COL4A1: variants seen among roughly 807,000 people sequenced by gnomAD.
The protein encoded by COL4A1 is collagen type IV alpha 1 chain.
COL4A1 carries 40 observed loss-of-function variants against 216.6 expected under a neutral mutation model. That is an observed-to-expected ratio of 0.18 (90% CI 0.14 to 0.24). COL4A1 has a LOEUF of 0.24. Ranked by LOEUF, COL4A1 falls within the 10% of genes least tolerant of loss-of-function variation. The pLI is 1.00. For missense variants in COL4A1, 1,628 were observed against 2,196.8 expected (o/e 0.74, Z 5.18); for synonymous variants, 839 against 810.7 (o/e 1.03, Z -0.59).
intron 2 of COL4A1, among the ~76,000 whole-genome samples, chr13:110,222,490 C>CCTAAATATTCATTGTAGTAATATATT (rs1555308292): frequency 6.6e-6 from 1 of 151,302 alleles, no homozygotes; most frequent in Admixed American, 6.6e-5. Context: ...AAGGCTTTTT[C>CCTAAATATTCATTGTAGTAATATATT]AGGCCGGGCG....
In COL4A1 at chr13:110,211,708, T is replaced by C; in HGVS notation, c.442-35A>G. 2 of 1,599,286 alleles carry C rather than the reference T, an allele frequency of 1.3e-6. No homozygotes were observed. The highest frequency in any genetic ancestry group is 1.7e-6 in the Non-Finnish European group (2 of 1,170,344). ...AAAGTTTTGGTGTTAGTTTTGTTTT[T>C]CTCAAAATATCATTAGCATTAAAAT... is the stretch of plus-strand genomic sequence containing the variant. On this transcript the variant is annotated intron_variant, in intron 7 of 51. Coordinates refer to ENST00000375820, the MANE Select transcript of COL4A1 (RefSeq NM_001845.6). This position sits in a 1 kb window ranked among gnomAD's most constrained non-coding sequence, Gnocchi z 4.3.
chr13:110,177,951 C>A lies in COL4A1; in HGVS notation c.2627-20G>T. The A allele has an allele frequency of 1.2e-6, 2 of 1,614,114 alleles. No individual in the cohort carries two copies. Among genetic ancestry groups the A allele is most frequent in the Non-Finnish European group, 1.7e-6 (2 of 1,180,006 alleles). ...TGGAACCTGTGGCCAAAGGAAAGGA[C>A]TGTGAACATTTTCTTGCTCTGAATG... is the stretch of plus-strand genomic sequence containing the variant. On this transcript the variant is annotated intron_variant, in intron 32 of 51. Transcript: ENST00000375820.
Position 110,307,131 on chromosome 13 carries a change from G to C in COL4A1, c.-104C>G. 1 of 930,524 alleles carries C rather than the reference G, an allele frequency of 1.1e-6. No individual in the cohort carries two copies. Among genetic ancestry groups the C allele is most frequent in the Non-Finnish European group, 1.5e-6 (1 of 679,474 alleles). 57.6% of individuals were successfully genotyped at this position (930,524 alleles called of 1,614,324 possible). On this transcript the variant is annotated 5_prime_UTR_variant, in exon 1 of 52. Transcript: ENST00000375820. The surrounding 1 kb of genome is among the most constrained non-coding windows in gnomAD (Gnocchi z 5.0). The stretch of plus-strand genomic sequence containing the variant: ...GACTTCCAGCGCTACGCACCGTCCC[G>C]GGTGCGGCGGCTCCAAGCGGAGACC...
At chr13:110,198,327 G>A in intron 21 of COL4A1, 140 bp downstream of exon 21, 1 of 862,380 alleles carries the variant, frequency 1.2e-6, no homozygotes, top group Non-Finnish European at 1.8e-6. Context: ...TTCCCTTAGA[G>A]GAATATGGAT....
chr13:110,214,708 T>A (rs193007550), intron 2 of COL4A1, among the ~76,000 whole-genome samples: 1 of 152,182 alleles, frequency 6.6e-6, no homozygotes, highest in South Asian at 2.1e-4. Context: ...CACTAGCCCC[T>A]TGGGCTCTCC....
intron 1 of COL4A1, among the ~76,000 whole-genome samples, chr13:110,303,231 G>C (rs1324428200): frequency 1.3e-5 from 2 of 152,056 alleles, no homozygotes; most frequent in Non-Finnish European, 2.9e-5. Flanking sequence ...TTCTGGGTCA[G>C]TTCCTAAAGG....
intron 1 of COL4A1, among the ~76,000 whole-genome samples, chr13:110,287,786 G>T (rs546868255): frequency 6.6e-6 from 1 of 152,204 alleles, no homozygotes; most frequent in African/African-American, 2.4e-5. Flanking sequence ...CAAGAGAAAC[G>T]TTTCCTTTCA....
chr13:110,234,597 A>G (rs1566399744), intron 2 of COL4A1, among the ~76,000 whole-genome samples: 2 of 152,116 alleles, frequency 1.3e-5, no homozygotes, highest in Non-Finnish European at 2.9e-5. Context: ...AGAAAAAGAA[A>G]AAAACAGGGG....
chr13:110,273,616 C>A (rs1883327111), intron 1 of COL4A1, among the ~76,000 whole-genome samples: 1 of 152,164 alleles, frequency 6.6e-6, no homozygotes, highest in Middle Eastern at 3.2e-3. Flanking sequence ...TTTATGGCAA[C>A]TGAATAATAA....
At chr13:110,192,181 G>A in intron 24 of COL4A1, 33 bp downstream of exon 24, 2 of 1,609,652 alleles carry the variant, frequency 1.2e-6, no homozygotes, top group Non-Finnish European at 1.7e-6. Flanking sequence ...GGCAACTTCT[G>A]ATATGTACAT....
chr13:110,288,280 T>C (rs541010736), intron 1 of COL4A1, among the ~76,000 whole-genome samples: 1 of 147,794 alleles, frequency 6.8e-6, no homozygotes, highest in Non-Finnish European at 1.5e-5. Context: ...AAAAAAATAA[T>C]AATAATAATA....
chr13:110,215,324 T>C (rs539978409), intron 2 of COL4A1, among the ~76,000 whole-genome samples: 57 of 152,146 alleles, frequency 3.7e-4, no homozygotes, highest in African/African-American at 1.3e-3. Flanking sequence ...CTTTGGGAGA[T>C]AGAGGCGGGC....
rs753082970 is a variant in COL4A1 at position 110,177,008 on chromosome 13, G to A, written c.2746C>T (p.Pro916Ser). The A allele has an allele frequency of 6.2e-7, 1 of 1,614,040 alleles. No homozygotes were observed. The highest frequency in any genetic ancestry group is 8.5e-7 in the Non-Finnish European group (1 of 1,180,022). Residue 916 changes from proline to serine, a missense_variant, in exon 34 of 52, where the codon CCC (proline) becomes TCC (serine). Transcript: ENST00000375820. ...CCTTTCAAGCCAGGGTCTCCCCTGG[G>A]TCCTGAGGAGCCCGGAAAGCCATGG... ...GDHGFPGSSG[P>S]RGDPGLKGDK... is the part of the protein sequence containing the mutation.
chr13:110,151,736 C>T (rs1206744125), intron 51 of COL4A1, among the ~76,000 whole-genome samples: 1 of 152,202 alleles, frequency 6.6e-6, no homozygotes. Context: ...GTTCATTATG[C>T]GTTCCTGGCC....
At chr13:110,248,532 C>T (rs1881939163) in intron 1 of COL4A1, among the ~76,000 whole-genome samples, 1 of 151,900 alleles carries the variant, frequency 6.6e-6, no homozygotes, top group African/African-American at 2.4e-5. Context: ...CGCTCTGTGG[C>T]GCAGGCTGGA....
intron 1 of COL4A1, among the ~76,000 whole-genome samples, chr13:110,260,289 C>A (rs78734018): frequency 6.6e-6 from 1 of 152,174 alleles, no homozygotes; most frequent in African/African-American, 2.4e-5. Flanking sequence ...ATAAAACCGT[C>A]GCAACTCTTG....
intron 1 of COL4A1, among the ~76,000 whole-genome samples, chr13:110,263,522 T>C (rs1326388615): frequency 1.3e-5 from 2 of 152,168 alleles, no homozygotes; most frequent in Non-Finnish European, 2.9e-5. Flanking sequence ...GCTGTAGTTG[T>C]AGCTCAGTGC....
chr13:110,292,896 T>A (rs1043513427), intron 1 of COL4A1, among the ~76,000 whole-genome samples: 1 of 152,196 alleles, frequency 6.6e-6, no homozygotes. Context: ...CTCACTAGCA[T>A]ACAAAGGCAA....
chr13:110,172,892 G>C (rs1000435902), intron 40 of COL4A1, 122 bp from the exon 41 acceptor site: 42 of 800,420 alleles, frequency 5.2e-5, no homozygotes, highest in South Asian at 5.1e-4. Context: ...ATAGATATTA[G>C]TTAATTGCAC....
Sources: gnomAD v4.1 joint callset for allele counts (sites outside exome capture counted in the v4.1 genomes callset) on GRCh38, gnomAD v4.1.1 for gene constraint, Gnocchi (gnomAD v3.1) non-coding constraint, MANE v1.5 for transcripts, NCBI Gene and HGNC (gene_info 2026-07-23, HGNC 2026-07-21) for gene names.